Variants in DEPDC5 observed in about 807,000 individuals in gnomAD.
DEPDC5 encodes GATOR1 complex protein DEPDC5.
DEPDC5 carries 73 observed loss-of-function variants against 217.3 expected under a neutral mutation model. The ratio of observed to expected loss-of-function variants is 0.34; its 90% CI spans 0.28 to 0.41. The LOEUF is 0.41. DEPDC5 is among the 10% of genes least tolerant of loss of function. The pLI is 1.00. For missense variants in DEPDC5, 1,675 were observed against 2,070.1 expected (o/e 0.81, Z 3.70); for synonymous variants, 733 against 756.7 (o/e 0.97, Z 0.51).
At chr22:31,882,031 G>A (rs909106332) in intron 38 of DEPDC5, among the ~76,000 whole-genome samples, 1 of 151,158 alleles carries the variant, frequency 6.6e-6, no homozygotes, top group Admixed American at 6.6e-5. Flanking sequence ...GGAAGCAGAA[G>A]CCAATAGTCC....
At chr22:31,847,503 A>G (rs145669108) in intron 31 of DEPDC5, among the ~76,000 whole-genome samples, 1,619 of 152,328 alleles carry the variant, frequency 0.011, 48 homozygotes, top group Admixed American at 0.06. Flanking sequence ...ACTTACAATC[A>G]TGGCAGAAAG....
rs528106935 is a variant in DEPDC5 at position 31,820,507 on chromosome 22, A to G, written c.1871-995A>G. Among the ~76,000 whole-genome samples, 140 of 152,320 alleles carry G rather than the reference A, an allele frequency of 9.2e-4. 1 individual carries two copies. Among genetic ancestry groups the G allele is most frequent in the South Asian group, 8.5e-3 (41 of 4,820 alleles). ...CTTGCCTTTAATATTTAAAAGTTAA[A>G]TAAGTGAGAAATAGATCTGAATCAT... On this transcript the variant is annotated intron_variant, in intron 22 of 42. Coordinates refer to ENST00000651528, the MANE Select transcript of DEPDC5 (RefSeq NM_001242896.3).
chr22:31,767,054 G>A (rs1390980281), intron 6 of DEPDC5, among the ~76,000 whole-genome samples: 1 of 152,066 alleles, frequency 6.6e-6, no homozygotes, highest in Admixed American at 6.6e-5. Flanking sequence ...TAGATAGTAA[G>A]TTGACTCTTG....
At chr22:31,809,126 T>TA (rs1439896882) in intron 18 of DEPDC5, among the ~76,000 whole-genome samples, 1 of 152,180 alleles carries the variant, frequency 6.6e-6, no homozygotes, top group Non-Finnish European at 1.5e-5. Flanking sequence ...GTGATAGCTC[T>TA]ATTAGTTTTT....
chr22:31,853,725 G>A (rs2092145774), intron 31 of DEPDC5, among the ~76,000 whole-genome samples: 1 of 152,220 alleles, frequency 6.6e-6, no homozygotes, highest in Admixed American at 6.5e-5. Context: ...GCTTTGTGCT[G>A]ATTAATAGCA....
At chr22:31,881,024 A>G (rs1170846412) in intron 38 of DEPDC5, among the ~76,000 whole-genome samples, 3 of 150,566 alleles carry the variant, frequency 2.0e-5, no homozygotes, top group East Asian at 3.9e-4. Context: ...CAAAAAAAAA[A>G]AAAAGGGCCA....
chr22:31,865,623 C>T (rs2092669989), intron 33 of DEPDC5, among the ~76,000 whole-genome samples: 1 of 152,154 alleles, frequency 6.6e-6, no homozygotes, highest in Non-Finnish European at 1.5e-5. Context: ...ATAGCAAATT[C>T]CAAGCACCTG....
intron 31 of DEPDC5, among the ~76,000 whole-genome samples, chr22:31,853,738 G>A (rs1165341837): frequency 1.3e-5 from 2 of 152,332 alleles, no homozygotes; most frequent in East Asian, 1.9e-4. Flanking sequence ...TAATAGCAGT[G>A]GGACCAGTCT....
chr22:31,882,849 C>T (rs1016064308), intron 38 of DEPDC5, among the ~76,000 whole-genome samples: 5 of 151,948 alleles, frequency 3.3e-5, no homozygotes, highest in African/African-American at 9.7e-5. Context: ...TTCTCAAACT[C>T]CTGGGTGCAA....
At chr22:31,778,586 A>G (rs1484450612) in intron 8 of DEPDC5, among the ~76,000 whole-genome samples, 2 of 152,208 alleles carry the variant, frequency 1.3e-5, no homozygotes, top group African/African-American at 2.4e-5. Context: ...AAACTGTTTT[A>G]CAGTTGGATT....
chr22:31,831,591 G>C (rs2090599215), intron 24 of DEPDC5, among the ~76,000 whole-genome samples: 1 of 152,032 alleles, frequency 6.6e-6, no homozygotes. Flanking sequence ...CTCCCGAGTA[G>C]CTGGGATTAT....
Position 31,806,185 on chromosome 22 carries a change from A to G in DEPDC5, c.1281A>G (p.Gly427=). Residue 427 remains glycine (G), a synonymous_variant, in exon 18 of 43, where the codon GGA becomes GGG. Coordinates refer to ENST00000651528, the MANE Select transcript of DEPDC5 (RefSeq NM_001242896.3). ...TCACCCCACGAATAAAACTGGCAGG[A>G]AAGAAGGTAGGTTTTTATTTTTGTT... is the stretch of plus-strand genomic sequence containing the variant. ...NSFTPRIKLA[G]KKPASEKAKN... is the part of the protein sequence containing the mutation. 1 of 1,613,888 alleles carries G rather than the reference A, an allele frequency of 6.2e-7. No homozygotes were observed. The highest frequency in any genetic ancestry group is 8.5e-7 in the Non-Finnish European group (1 of 1,179,872).
chr22:31,829,787 C>T (rs1366032400), intron 24 of DEPDC5, among the ~76,000 whole-genome samples: 1 of 152,170 alleles, frequency 6.6e-6, no homozygotes, highest in African/African-American at 2.4e-5. Flanking sequence ...TTTCACCCTG[C>T]TGCCCAGCAG....
At chr22:31,872,586 G>A (rs1883332283) in intron 34 of DEPDC5, among the ~76,000 whole-genome samples, 2 of 152,280 alleles carry the variant, frequency 1.3e-5, no homozygotes, top group East Asian at 1.9e-4. Context: ...GAAGCTACCT[G>A]TGAAAGGCTC....
chr22:31,771,979 C>A (rs1428751711), intron 7 of DEPDC5, among the ~76,000 whole-genome samples: 1 of 151,910 alleles, frequency 6.6e-6, no homozygotes, highest in African/African-American at 2.4e-5. Flanking sequence ...GTGGAAGGAT[C>A]ACCTAAATCC....
intron 34 of DEPDC5, 39 bp downstream of exon 34, chr22:31,870,783 TG>T (rs755710048): frequency 1.3e-6 from 2 of 1,485,906 alleles, no homozygotes; most frequent in South Asian, 1.4e-5. Context: ...TCCTGGGGAG[TG>T]GGGACAGTCT....
intron 38 of DEPDC5, among the ~76,000 whole-genome samples, chr22:31,882,965 T>G (rs957666975): frequency 1.3e-5 from 2 of 152,120 alleles, no homozygotes; most frequent in Admixed American, 1.3e-4. Flanking sequence ...AAGGAATTAT[T>G]CTAATGTGAA....
chr22:31,796,799 C>T (rs529921754), intron 12 of DEPDC5, among the ~76,000 whole-genome samples: 140 of 151,356 alleles, frequency 9.2e-4, no homozygotes, highest in African/African-American at 3.3e-3. Flanking sequence ...TGGGTTCAAG[C>T]AATTCTCCTG....
chr22:31,869,967 T>G (rs1246144880), intron 33 of DEPDC5, among the ~76,000 whole-genome samples: 1 of 152,108 alleles, frequency 6.6e-6, no homozygotes, highest in Admixed American at 6.5e-5. Context: ...CAGGCATGAT[T>G]TAGAGATGCA....
Sources: gnomAD v4.1 joint callset for allele counts (sites outside exome capture counted in the v4.1 genomes callset) on GRCh38, gnomAD v4.1.1 for gene constraint, MANE v1.5 for transcripts, NCBI Gene and HGNC (gene_info 2026-07-23, HGNC 2026-07-21) for gene names.